AGFG2: variants seen among roughly 807,000 people sequenced by gnomAD.
The protein encoded by AGFG2 is arf-GAP domain and FG repeat-containing protein 2.
A neutral mutation model predicts 48.0 loss-of-function variants in AGFG2; 31 were observed. The observed-to-expected ratio is 0.65, with a 90% CI of 0.49 to 0.87. The LOEUF (loss-of-function observed/expected upper bound fraction) is 0.87. Among genes scored for constraint, AGFG2 ranks in the 40% least tolerant of loss-of-function variants. The pLI is 0.00. For missense variants in AGFG2, 599 were observed against 632.6 expected (o/e 0.95, Z 0.57); for synonymous variants, 229 against 260.8 (o/e 0.88, Z 1.18).
At position 100,553,441 on chromosome 7, in the gene AGFG2, C is replaced by T. The variant is rs778239886; in HGVS notation, c.526C>T (p.Arg176Trp). The change falls in exon 4 of 12, where the codon CGG (arginine) becomes TGG (tryptophan). Residue 176 changes from arginine to tryptophan, a missense_variant. By Grantham distance (101) the Arg-to-Trp change is moderately radical. Transcript: ENST00000300176. ...QGSIPEGKPL[R>W]TLLGDPAPSL... ...CTCCATCCCAGAAGGGAAGCCCCTT[C>T]GGACACTTCTGGGTGATCCTGCACC... is the stretch of plus-strand genomic sequence containing the variant. The T allele has an allele frequency of 8.7e-6, 14 of 1,614,168 alleles. No individual in the cohort carries two copies. The highest frequency in any genetic ancestry group is 2.7e-5 in the African/African-American group (2 of 75,054).
At chr7:100,541,060 G>A (rs1387656621) in intron 1 of AGFG2, among the ~76,000 whole-genome samples, 2 of 149,714 alleles carry the variant, frequency 1.3e-5, no homozygotes, top group African/African-American at 4.9e-5. Context: ...ACCTTTAGGA[G>A]CCAGGGAGCG....
Position 100,565,935 on chromosome 7 carries a change from C to CT in AGFG2, c.*945dup, listed in dbSNP as rs1453094805. On this transcript the variant is annotated 3_prime_UTR_variant, in exon 12 of 12. Coordinates refer to ENST00000300176, the MANE Select transcript of AGFG2 (RefSeq NM_006076.5). Reference sequence around the variant, plus strand: ...TCCATGTGCCTCCCTGTCCCCAAATCTCTGCACCAAAGCTCATTGCAGGCA... The same window carrying CT: ...TCCATGTGCCTCCCTGTCCCCAAATCTTCTGCACCAAAGCTCATTGCAGGCA... 5 of 143,326 alleles carry CT rather than the reference C, an allele frequency of 3.5e-5. No individual in the cohort carries two copies. Among genetic ancestry groups the CT allele is most frequent in the African/African-American group, 7.8e-5 (3 of 38,494 alleles). The allele number at this position is 143,326 out of a possible 1,614,324, so 8.9% of individuals were successfully genotyped here.
Position 100,550,290 on chromosome 7 carries a change from A to G in AGFG2, c.316-106A>G. Reference sequence around the variant, plus strand: ...CCACTGCACTCCAGCCCGGCGACAGAGCGAGACTCCGTCTCAAAAAAAAAA... The same window carrying G: ...CCACTGCACTCCAGCCCGGCGACAGGGCGAGACTCCGTCTCAAAAAAAAAA... On this transcript the variant is annotated intron_variant, in intron 2 of 11. Transcript: ENST00000300176. The G allele has an allele frequency of 5.2e-6, 4 of 767,984 alleles. No individual in the cohort carries two copies. The South Asian group carries it at 7.0e-5, about 13-fold the overall frequency. The allele number at this position is 767,984 out of a possible 1,614,324, so 47.6% of individuals were successfully genotyped here. A position where few individuals can be genotyped will look rare whatever the true frequency, so the allele number is the denominator to read the frequency against.
At chr7:100,544,328 G>A (rs990700056) in intron 1 of AGFG2, among the ~76,000 whole-genome samples, 2 of 152,284 alleles carry the variant, frequency 1.3e-5, no homozygotes, top group African/African-American at 4.8e-5. Flanking sequence ...ATTAAGGTGG[G>A]CAGAGCTCTG....
chr7:100,540,043 TTG>T (rs1283968438), intron 1 of AGFG2, among the ~76,000 whole-genome samples: 1 of 151,734 alleles, frequency 6.6e-6, no homozygotes, highest in Non-Finnish European at 1.5e-5. Flanking sequence ...TCCTTCGGGC[TTG>T]TGTCCCTGCT....
Position 100,560,808 on chromosome 7 carries a change from C to CTTTT in AGFG2, c.878-1433_878-1430dup, listed in dbSNP as rs66837050. Among the ~76,000 whole-genome samples the CTTTT allele has an allele frequency of 2.8e-3, 320 of 112,804 alleles. 3 individuals are homozygous for CTTTT. Among genetic ancestry groups the CTTTT allele is most frequent in the African/African-American group, 4.4e-3 (122 of 27,532 alleles). 74.0% of individuals were successfully genotyped at this position (112,804 alleles called of 152,430 possible). A position where few individuals can be genotyped will look rare whatever the true frequency, so the allele number is the denominator to read the frequency against. ...AGTGCCTGGCATGTGGAAGATCTCC[C>CTTTT]TTTTTTTTTTTTTTTTTTTTTGAGA... is the stretch of plus-strand genomic sequence containing the variant. On this transcript the variant is annotated intron_variant, in intron 6 of 11. Transcript: ENST00000300176.
chr7:100,553,172 AG>A (rs1359239506), intron 3 of AGFG2, among the ~76,000 whole-genome samples, 174 bp from the exon 4 acceptor site: 1 of 152,148 alleles, frequency 6.6e-6, no homozygotes, highest in African/African-American at 2.4e-5. Context: ...AAGATGTTCA[AG>A]GGGATGCTCA....
At chr7:100,559,716 G>A (rs1196255903) in intron 6 of AGFG2, among the ~76,000 whole-genome samples, 4 of 151,892 alleles carry the variant, frequency 2.6e-5, no homozygotes, top group African/African-American at 9.7e-5. Context: ...TACTCAGGAG[G>A]CTAAGGTGGG....
At chr7:100,542,916 G>A (rs1161125750) in intron 1 of AGFG2, among the ~76,000 whole-genome samples, 1 of 152,166 alleles carries the variant, frequency 6.6e-6, no homozygotes, top group Non-Finnish European at 1.5e-5. Context: ...GTAGTGATAA[G>A]TTCCCATTTT....
At position 100,555,600 on chromosome 7, in the gene AGFG2, C is replaced by T. The variant is rs1800743335; in HGVS notation, c.752-10C>T. On this transcript the variant is annotated splice_polypyrimidine_tract_variant and intron_variant, in intron 5 of 11. Coordinates refer to ENST00000300176, the MANE Select transcript of AGFG2 (RefSeq NM_006076.5). ...TTTCTATATAACCTTTATGTTTCTT[C>T]CACCTACAGGCCAGACACCTTCCCA... The T allele has an allele frequency of 6.2e-7, 1 of 1,612,034 alleles. No individual in the cohort carries two copies. The highest frequency in any genetic ancestry group is 1.1e-5 in the South Asian group (1 of 91,030).
At chr7:100,546,362 A>G (rs975229832) in intron 1 of AGFG2, among the ~76,000 whole-genome samples, 4 of 152,100 alleles carry the variant, frequency 2.6e-5, no homozygotes, top group African/African-American at 9.7e-5. Flanking sequence ...CCTTTTTGTG[A>G]TAGGCTTAGA....
intron 9 of AGFG2, 80 bp downstream of exon 9, chr7:100,563,026 C>G: frequency 2.9e-6 from 4 of 1,373,090 alleles, no homozygotes; most frequent in South Asian, 1.2e-5. Context: ...CTCCCTTAAC[C>G]CTTTGTCTCA....
rs773373596 is a variant in AGFG2, at chr7:100,555,705, G to A, written c.847G>A (p.Ala283Thr). 15 of 1,614,004 alleles carry A rather than the reference G, an allele frequency of 9.3e-6. No individual in the cohort carries two copies. In the East Asian group the frequency reaches 3.1e-4, roughly 34 times the overall value. The stretch of plus-strand genomic sequence containing the variant: ...TGGAAGCCTCCCTCCAGCTGGTCAA[G>A]CCTCGTTCCAGGCCCAGCCAACTCC... ...VFGSLPPAGQASFQAQPTPAG... is the reference protein window; with the variant it reads ...VFGSLPPAGQTSFQAQPTPAG... Residue 283 changes from alanine to threonine, a missense_variant, in exon 6 of 12, where the codon GCC becomes ACC. Physicochemically the swap from Ala to Thr is moderately conservative, Grantham distance 58. Coordinates refer to ENST00000300176, the MANE Select transcript of AGFG2 (RefSeq NM_006076.5).
intron 5 of AGFG2, among the ~76,000 whole-genome samples, chr7:100,555,392 G>C (rs1053121379): frequency 2.0e-5 from 3 of 146,920 alleles, no homozygotes. Context: ...TCATGCCTCA[G>C]CCTCCAAGGT....
At chr7:100,559,246 C>T (rs1800817895) in intron 6 of AGFG2, among the ~76,000 whole-genome samples, 1 of 152,138 alleles carries the variant, frequency 6.6e-6, no homozygotes, top group Admixed American at 6.6e-5. Context: ...AAGAGCTTCC[C>T]TTTGCAGGAA....
rs1326371656 is a variant in AGFG2 at position 100,567,437 on chromosome 7, ACAG to A, written c.*2450_*2452del. ...CCAATGCAGGGACCATGCTCTGCAG[ACAG>A]CAGTCCTCTAGCATGGCCCCAGCAT... On this transcript the variant is annotated 3_prime_UTR_variant, in exon 12 of 12. Transcript: ENST00000300176. 1 of 152,766 alleles carries A rather than the reference ACAG, an allele frequency of 6.5e-6. No individual in the cohort carries two copies. The highest frequency in any genetic ancestry group is 2.4e-5 in the African/African-American group (1 of 41,472). The allele number at this position is 152,766 out of a possible 1,614,324, so 9.5% of individuals were successfully genotyped here. A position where few individuals can be genotyped will look rare whatever the true frequency, so the allele number is the denominator to read the frequency against.
intron 3 of AGFG2, 33 bp downstream of exon 3, chr7:100,550,544 G>A (rs1161520986): frequency 1.2e-5 from 18 of 1,517,930 alleles, no homozygotes; most frequent in Admixed American, 8.5e-5. Flanking sequence ...CTATGGAAAC[G>A]TGTTCAAGAC....
In AGFG2 at chr7:100,562,424, C is replaced by T; in HGVS notation, c.998+45C>T. 1 of 1,607,798 alleles carries T rather than the reference C, an allele frequency of 6.2e-7. No individual in the cohort carries two copies. The highest frequency in any genetic ancestry group is 2.2e-5 in the East Asian group (1 of 44,744). ...AGTCTGCTGTAGGGCAGGAGAGCCG[C>T]CCGAAGCCTGGCCATGTTCCTCCCA... On this transcript the variant is annotated intron_variant, in intron 7 of 11. Coordinates refer to ENST00000300176, the MANE Select transcript of AGFG2 (RefSeq NM_006076.5). This position sits in a 1 kb window ranked among gnomAD's most constrained non-coding sequence, Gnocchi z 5.4.
intron 6 of AGFG2, chr7:100,556,619 CA>C: frequency 7.8e-7 from 1 of 1,289,428 alleles, no homozygotes; most frequent in Non-Finnish European, 1.0e-6. Flanking sequence ...CTGAAAGTTA[CA>C]GCTTTGGTAA....
Sources: allele counts gnomAD v4.1 joint callset (sites outside exome capture counted in the v4.1 genomes callset), GRCh38; gene constraint gnomAD v4.1.1; non-coding constraint Gnocchi (gnomAD v3.1); transcripts MANE v1.5; gene names NCBI Gene and HGNC (gene_info 2026-07-23, HGNC 2026-07-21).